RBM4B: variants seen among roughly 807,000 people sequenced by gnomAD.
The protein encoded by RBM4B is RNA binding motif protein 4B.
RBM4B carries 13 observed loss-of-function variants against 28.5 expected under a neutral mutation model. That is an observed-to-expected ratio of 0.46 (90% CI 0.30 to 0.72). RBM4B has a LOEUF of 0.72. Ranked by LOEUF, RBM4B falls within the 30% of genes least tolerant of loss-of-function variation. RBM4B has a pLI of 0.09. For missense variants in RBM4B, 387 were observed against 477.6 expected, an observed-to-expected ratio of 0.81 and a Z score of 1.77; for synonymous variants, 167 against 179.1, an observed-to-expected ratio of 0.93 and a Z score of 0.54.
rs1336272206 is a variant in RBM4B at position 66,665,399 on chromosome 11, CT to C, written c.*188del. On this transcript the variant is annotated 3_prime_UTR_variant, in exon 4 of 4. Transcript: ENST00000310046. ...GGAACAGAGTGAAAGGCTACAGAGACTAGTTTCAGGAGGAAAGAAAAGTCAA... is the reference window on the plus strand; with the variant it reads ...GGAACAGAGTGAAAGGCTACAGAGACAGTTTCAGGAGGAAAGAAAAGTCAA... The C allele has an allele frequency of 4.7e-6, 3 of 635,620 alleles. No individual in the cohort carries two copies. In the African/African-American group the frequency reaches 5.5e-5, roughly 12 times the overall value. The allele number at this position is 635,620 out of a possible 1,614,324, so 39.4% of individuals were successfully genotyped here. A position where few individuals can be genotyped will look rare whatever the true frequency, so the allele number is the denominator to read the frequency against.
chr11:66,668,677 C>T lies in RBM4B; in HGVS notation c.1027G>A (p.Ala343Thr). The T allele has an allele frequency of 6.2e-7, 1 of 1,614,092 alleles. No individual in the cohort carries two copies. The highest frequency in any genetic ancestry group is 8.5e-7 in the Non-Finnish European group (1 of 1,179,920). The change falls in exon 3 of 4, where the codon GCC (alanine) becomes ACC (threonine). Residue 343 changes from alanine (A) to threonine (T), a missense_variant. By Grantham distance (58) the Ala-to-Thr change is moderately conservative. Around this residue, in one of 2 missense-constraint regions of RBM4B, gnomAD observed 226 missense variants for 220.6 expected, o/e 1.02. Transcript: ENST00000310046. ...ACATACTGCTCCCGTTCATACCGGGCCATGTCATACAGAGAATTCCGTGTA... is the reference window on the plus strand; with the variant it reads ...ACATACTGCTCCCGTTCATACCGGGTCATGTCATACAGAGAATTCCGTGTA... ...AATRNSLYDM[A>T]RYEREQYVDR... is the part of the protein sequence containing the mutation.
intron 1 of RBM4B, 195 bp downstream of exon 1, chr11:66,677,569 T>G (rs1305679298): frequency 6.3e-6 from 1 of 159,026 alleles, no homozygotes; most frequent in African/African-American, 2.4e-5. Context: ...CCCTCCAGCT[T>G]CTTCGCCCCA....
chr11:66,668,558 G>A, intron 3 of RBM4B, 57 bp downstream of exon 3: 2 of 1,410,160 alleles, frequency 1.4e-6, no homozygotes, highest in Admixed American at 4.0e-5. Flanking sequence ...TATGAAGCAT[G>A]GGTCTCTTTC....
At chr11:66,668,593 A>G (rs1939336578) in intron 3 of RBM4B, 22 bp downstream of exon 3, 1 of 1,562,974 alleles carries the variant, frequency 6.4e-7, no homozygotes, top group African/African-American at 1.4e-5. Context: ...GAATCTTTTA[A>G]CCATTCCCAC....
chr11:66,668,369 C>A (rs1939324036), intron 3 of RBM4B: 2 of 454,778 alleles, frequency 4.4e-6, no homozygotes, highest in Non-Finnish European at 3.9e-6. Context: ...AAAGAATGTT[C>A]TCACTAACAA....
chr11:66,674,386 G>A (rs1939574640), intron 2 of RBM4B, among the ~76,000 whole-genome samples: 2 of 151,104 alleles, frequency 1.3e-5, no homozygotes, highest in South Asian at 2.1e-4. Context: ...CACCATGGCC[G>A]GCTAATTTTT....
At chr11:66,676,394 AACAGC>A in intron 2 of RBM4B, 1 of 565,786 alleles carries the variant, frequency 1.8e-6, no homozygotes, top group East Asian at 2.9e-5. Context: ...TTACACTTCC[AACAGC>A]ACTCGAATCA....
rs1939436030 is a variant in RBM4B at position 66,670,790 on chromosome 11, A to G, written c.413-1499T>C. On this transcript the variant is annotated intron_variant, in intron 2 of 3. Transcript: ENST00000310046. ...ACCACTGCAATCCTGCCTGGGCAAC[A>G]GTGTGAGACTCCATCTCAAAAAAAA... The G allele has an allele frequency of 8.2e-6, 5 of 607,258 alleles. No individual in the cohort carries two copies. The Admixed American group carries it at 1.4e-4, about 17-fold the overall frequency. 37.6% of individuals were successfully genotyped at this position (607,258 alleles called of 1,614,324 possible).
At chr11:66,668,365 T>C (rs1939323807) in intron 3 of RBM4B, 1 of 448,444 alleles carries the variant, frequency 2.2e-6, no homozygotes. Context: ...GATTAAAGAA[T>C]GTTCTCACTA....
intron 2 of RBM4B, among the ~76,000 whole-genome samples, chr11:66,674,225 C>G (rs1376136187): frequency 1.2e-5 from 1 of 80,776 alleles, no homozygotes; most frequent in African/African-American, 5.5e-5. Flanking sequence ...TTTTTCTTTT[C>G]TTTCTTTTTT....
chr11:66,666,154 A>T, intron 3 of RBM4B: 1 of 747,286 alleles, frequency 1.3e-6, no homozygotes, highest in African/African-American at 1.8e-5. Flanking sequence ...TAGTTCCCCT[A>T]ATTGACCAAA....
chr11:66,668,037 C>T (rs144064501), intron 3 of RBM4B: 9 of 152,964 alleles, frequency 5.9e-5, no homozygotes, highest in African/African-American at 2.2e-4. Flanking sequence ...AACTATAAGC[C>T]TAAAGTAATA....
intron 2 of RBM4B, chr11:66,671,072 C>T (rs1260846939): frequency 1.1e-5 from 8 of 699,184 alleles, no homozygotes; most frequent in African/African-American, 7.0e-5. Context: ...GGCAATATCA[C>T]TTTAGTCAAA....
chr11:66,677,261 G>T, intron 1 of RBM4B, 170 bp from the exon 2 acceptor site: 1 of 811,734 alleles, frequency 1.2e-6, no homozygotes, highest in East Asian at 2.7e-5. Context: ...AGAAGTGCGA[G>T]CTATGCGTGA....
At chr11:66,672,784 AC>A (rs1211795316) in intron 2 of RBM4B, among the ~76,000 whole-genome samples, 2 of 152,226 alleles carry the variant, frequency 1.3e-5, no homozygotes, top group African/African-American at 4.8e-5. Context: ...GGCATGAGCC[AC>A]CACATCCAGC....
In RBM4B at chr11:66,676,481, A is replaced by C. The variant is rs561368398; in HGVS notation, c.412+187T>G. On this transcript the variant is annotated intron_variant, in intron 2 of 3. Coordinates refer to ENST00000310046, the MANE Select transcript of RBM4B (RefSeq NM_031492.4). ...TGCAGTCGGTGAGCAACATCTTAGC[A>C]AACCTGAAAAGGGGAAGTGTTTGCT... 32 of 705,452 alleles carry C rather than the reference A, an allele frequency of 4.5e-5. No homozygotes were observed. In the East Asian group the frequency reaches 8.4e-4, roughly 19 times the overall value. 43.7% of individuals were successfully genotyped at this position (705,452 alleles called of 1,614,324 possible). A position where few individuals can be genotyped will look rare whatever the true frequency, so the allele number is the denominator to read the frequency against.
At chr11:66,674,325 G>A (rs1261208259) in intron 2 of RBM4B, among the ~76,000 whole-genome samples, 10 of 150,918 alleles carry the variant, frequency 6.6e-5, no homozygotes, top group African/African-American at 1.9e-4. Context: ...CTGGGTTCAC[G>A]CTATTCTCCT....
intron 3 of RBM4B, chr11:66,666,028 C>G: frequency 7.3e-7 from 1 of 1,366,918 alleles, no homozygotes; most frequent in Non-Finnish European, 9.9e-7. Context: ...TCACAGTAAA[C>G]AAGCTTTCAG....
At chr11:66,671,978 A>C (rs1440369804) in intron 2 of RBM4B, among the ~76,000 whole-genome samples, 1 of 151,986 alleles carries the variant, frequency 6.6e-6, no homozygotes, top group Non-Finnish European at 1.5e-5. Context: ...TGAACTCCTG[A>C]CTTCGTGATC....
Sources: allele counts gnomAD v4.1 joint callset (sites outside exome capture counted in the v4.1 genomes callset), GRCh38; gene constraint gnomAD v4.1.1; regional missense constraint gnomAD v4.1.1; transcripts MANE v1.5; gene names NCBI Gene and HGNC (gene_info 2026-07-23, HGNC 2026-07-21).